RNF150: variants seen among roughly 807,000 people sequenced by gnomAD.
The protein encoded by RNF150 is ring finger protein 150.
In RNF150, 24 loss-of-function variants were observed where a neutral mutation model predicts 39.3. The ratio of observed to expected loss-of-function variants is 0.61; its 90% confidence interval spans 0.44 to 0.86. The LOEUF (loss-of-function observed/expected upper bound fraction) is 0.86. Among genes scored for constraint, RNF150 ranks in the 40% least tolerant of loss-of-function variants. RNF150 has a pLI of 0.00. For missense variants in RNF150, 502 were observed against 587.8 expected, an observed-to-expected ratio of 0.85 and a Z score of 1.51; for synonymous variants, 255 against 227.3, an observed-to-expected ratio of 1.12 and a Z score of -1.10.
intron 1 of RNF150, among the ~76,000 whole-genome samples, chr4:141,179,109 G>A (rs757729896): frequency 1.3e-5 from 2 of 152,054 alleles, no homozygotes; most frequent in African/African-American, 2.4e-5. Flanking sequence ...TTAAGATCTC[G>A]TATTTGTTAA....
chr4:140,929,708 A>G (rs1731549520), intron 4 of RNF150, among the ~76,000 whole-genome samples: 1 of 152,050 alleles, frequency 6.6e-6, no homozygotes, highest in Middle Eastern at 3.2e-3. Context: ...AGGCTGTAGT[A>G]TAGTTCTTCA....
At chr4:140,887,520 C>T (rs55761420) in intron 6 of RNF150, among the ~76,000 whole-genome samples, 20,554 of 152,200 alleles carry the variant, frequency 0.14, 1,690 homozygotes, top group East Asian at 0.38. Flanking sequence ...GCTATCATCC[C>T]ACTGTTTCTG....
At chr4:141,044,594 T>G (rs1297905497) in intron 1 of RNF150, among the ~76,000 whole-genome samples, 3 of 152,240 alleles carry the variant, frequency 2.0e-5, no homozygotes, top group African/African-American at 7.2e-5. Flanking sequence ...AAAAACCTTG[T>G]CTTGGACTGG....
chr4:141,127,216 C>T (rs576417030), intron 1 of RNF150, among the ~76,000 whole-genome samples: 5 of 152,248 alleles, frequency 3.3e-5, no homozygotes, highest in East Asian at 1.9e-4. Context: ...GTCTATCAAA[C>T]GGAGACAGTA....
chr4:140,919,248 C>T (rs1286900346), intron 5 of RNF150, among the ~76,000 whole-genome samples: 5 of 124,440 alleles, frequency 4.0e-5, no homozygotes, highest in Non-Finnish European at 8.7e-5. Flanking sequence ...GTCAAATTGT[C>T]CCTGTTTGCA....
chr4:140,973,799 C>T (rs1473609257), intron 1 of RNF150, among the ~76,000 whole-genome samples: 1 of 150,544 alleles, frequency 6.6e-6, no homozygotes, highest in Non-Finnish European at 1.5e-5. Context: ...ATTGCTTGAA[C>T]CTGGGAGGCA....
At chr4:141,060,382 A>C (rs1399324266) in intron 1 of RNF150, among the ~76,000 whole-genome samples, 1 of 152,212 alleles carries the variant, frequency 6.6e-6, no homozygotes, top group East Asian at 1.9e-4. Flanking sequence ...TTGAGGTTGC[A>C]CTGAGCCATG....
chr4:140,942,369 A>C (rs1188324266), intron 4 of RNF150, among the ~76,000 whole-genome samples: 1 of 152,210 alleles, frequency 6.6e-6, no homozygotes, highest in Non-Finnish European at 1.5e-5. Flanking sequence ...CTGCTCTCTA[A>C]TGCTGGAATC....
intron 1 of RNF150, among the ~76,000 whole-genome samples, chr4:141,109,812 G>GGGGCCAAGATTAA (rs1455223835): frequency 1.1e-4 from 17 of 152,082 alleles, no homozygotes; most frequent in Non-Finnish European, 2.5e-4. Context: ...AAGAAAACAA[G>GGGGCCAAGATTAA]GACATGAGGG....
At chr4:141,045,495 TC>T (rs1181130642) in intron 1 of RNF150, among the ~76,000 whole-genome samples, 4 of 152,096 alleles carry the variant, frequency 2.6e-5, no homozygotes, top group Non-Finnish European at 5.9e-5. Flanking sequence ...AGGAATACAT[TC>T]TTTTTTTATA....
chr4:141,091,274 G>A (rs1738570745), intron 1 of RNF150, among the ~76,000 whole-genome samples: 1 of 152,152 alleles, frequency 6.6e-6, no homozygotes, highest in Non-Finnish European at 1.5e-5. Flanking sequence ...ATGAGTTAAT[G>A]AGCTAAGCCC....
intron 1 of RNF150, among the ~76,000 whole-genome samples, chr4:140,999,326 AG>A (rs1359751578): frequency 6.6e-6 from 1 of 152,248 alleles, no homozygotes; most frequent in Non-Finnish European, 1.5e-5. Context: ...TGAAAGAGAA[AG>A]CCCTATGAAT....
chr4:141,172,747 G>A (rs757397970), intron 1 of RNF150, among the ~76,000 whole-genome samples: 2 of 152,090 alleles, frequency 1.3e-5, no homozygotes, highest in Admixed American at 6.6e-5. Context: ...GGATATTGCC[G>A]GGCACTGTGG....
At chr4:141,171,609 AG>A (rs895006241) in intron 1 of RNF150, among the ~76,000 whole-genome samples, 2 of 152,220 alleles carry the variant, frequency 1.3e-5, no homozygotes, top group Non-Finnish European at 2.9e-5. Context: ...CTCTAGGCAC[AG>A]GGATGAATGC....
At chr4:140,927,645 T>C (rs1208730717) in intron 4 of RNF150, among the ~76,000 whole-genome samples, 1 of 105,478 alleles carries the variant, frequency 9.5e-6, no homozygotes, top group Admixed American at 1.4e-4. Flanking sequence ...CTTGTTTTTT[T>C]GTTTCTTTTT....
At chr4:141,053,573 T>C (rs1036599026) in intron 1 of RNF150, 1 of 553,210 alleles carries the variant, frequency 1.8e-6, no homozygotes, top group Admixed American at 4.3e-5. Flanking sequence ...TTGGGAGATA[T>C]AATGGGGAAA....
chr4:141,114,587 G>A (rs990834570), intron 1 of RNF150, among the ~76,000 whole-genome samples: 3 of 152,076 alleles, frequency 2.0e-5, no homozygotes, highest in East Asian at 1.9e-4. Flanking sequence ...ACCAAGAGCC[G>A]GTACCATTCC....
At chr4:140,973,874 TAAAAA>T (rs566506401) in intron 1 of RNF150, among the ~76,000 whole-genome samples, 1 of 110,540 alleles carries the variant, frequency 9.0e-6, no homozygotes, top group Non-Finnish European at 1.8e-5. Context: ...AGACTCTGTT[TAAAAA>T]AAAAAAAAAA....
At chr4:141,063,562 T>C (rs539419909) in intron 1 of RNF150, among the ~76,000 whole-genome samples, 2 of 152,266 alleles carry the variant, frequency 1.3e-5, no homozygotes, top group South Asian at 4.1e-4. Flanking sequence ...AATAAGCAAA[T>C]TGTTTTTCTG....
Sources: gnomAD v4.1 joint callset for allele counts (sites outside exome capture counted in the v4.1 genomes callset) on GRCh38, gnomAD v4.1.1 for gene constraint, MANE v1.5 for transcripts, NCBI Gene and HGNC (gene_info 2026-07-23, HGNC 2026-07-21) for gene names.